Variants in LRRC63 observed in about 807,000 individuals in gnomAD.
LRRC63 encodes leucine-rich repeat-containing protein 63.
A neutral mutation model predicts 49.5 loss-of-function variants in LRRC63; 40 were observed. The ratio of observed to expected loss-of-function variants is 0.81; its 90% CI spans 0.63 to 1.05. The LOEUF (loss-of-function observed/expected upper bound fraction) is 1.05, where lower values mean the gene tolerates loss of function less well. LRRC63 is among the 50% of genes least tolerant of loss of function. The pLI, the probability that LRRC63 is intolerant of heterozygous loss-of-function variation, is 0.00. For synonymous variants in LRRC63, 191 were observed against 221.1 expected (o/e 0.86, Z 1.21); for missense variants, 636 against 663.1 (o/e 0.96, Z 0.45).
At chr13:46,267,895 T>C (rs190318225) in intron 9 of LRRC63, among the ~76,000 whole-genome samples, 24 of 152,236 alleles carry the variant, frequency 1.6e-4, no homozygotes, top group African/African-American at 5.8e-4. Flanking sequence ...GATTCCTGAA[T>C]TGCATGTGGA....
At chr13:46,221,987 G>A (rs984939137) in intron 2 of LRRC63, among the ~76,000 whole-genome samples, 1 of 152,090 alleles carries the variant, frequency 6.6e-6, no homozygotes, top group Non-Finnish European at 1.5e-5. Flanking sequence ...CACCTTCAGG[G>A]TTTCTTTTTC....
At chr13:46,264,891 T>C (rs1046648622) in intron 8 of LRRC63, among the ~76,000 whole-genome samples, 5 of 152,190 alleles carry the variant, frequency 3.3e-5, no homozygotes, top group Non-Finnish European at 2.9e-5. Context: ...GTGCAGTGGC[T>C]CACACCTGTA....
At chr13:46,217,561 C>G (rs998746474) in intron 2 of LRRC63, among the ~76,000 whole-genome samples, 1 of 152,134 alleles carries the variant, frequency 6.6e-6, no homozygotes, top group Non-Finnish European at 1.5e-5. Flanking sequence ...AAACCAGCTC[C>G]TGGATTCATT....
At chr13:46,239,064 A>G (rs1318776948) in intron 5 of LRRC63, among the ~76,000 whole-genome samples, 1 of 152,230 alleles carries the variant, frequency 6.6e-6, no homozygotes, top group Non-Finnish European at 1.5e-5. Context: ...ACCTAACATC[A>G]AAACCAAAAG....
chr13:46,269,842 CTATA>C (rs1444898843), intron 9 of LRRC63, among the ~76,000 whole-genome samples: 5 of 145,690 alleles, frequency 3.4e-5, no homozygotes, highest in African/African-American at 1.0e-4. Flanking sequence ...TACTATATAT[CTATA>C]TATCTACTAT....
At chr13:46,218,930 C>T (rs1262770631) in intron 2 of LRRC63, among the ~76,000 whole-genome samples, 1 of 152,132 alleles carries the variant, frequency 6.6e-6, no homozygotes, top group Non-Finnish European at 1.5e-5. Context: ...AATATTGGCC[C>T]CCACTCTCTT....
chr13:46,273,537 G>A (rs1475841903), intron 9 of LRRC63, among the ~76,000 whole-genome samples: 1 of 151,412 alleles, frequency 6.6e-6, no homozygotes, highest in Non-Finnish European at 1.5e-5. Context: ...AGGAGCCTGA[G>A]GTTGCAGTGA....
chr13:46,231,716 A>T (rs770572214), intron 4 of LRRC63, among the ~76,000 whole-genome samples: 28 of 151,228 alleles, frequency 1.9e-4, no homozygotes, highest in Admixed American at 1.3e-3. Flanking sequence ...CACCATGTTG[A>T]CCAGACTGGT....
intron 9 of LRRC63, 88 bp downstream of exon 9, chr13:46,267,060 A>C (rs766051948): frequency 4.7e-5 from 58 of 1,226,378 alleles, no homozygotes; most frequent in Non-Finnish European, 6.3e-5. Flanking sequence ...CAGTGTCACT[A>C]ACATGCACAC....
chr13:46,238,340 T>G (rs1400337082), intron 5 of LRRC63, among the ~76,000 whole-genome samples: 2 of 152,164 alleles, frequency 1.3e-5, no homozygotes, highest in East Asian at 3.9e-4. Flanking sequence ...ATTCTTCCCA[T>G]TTCCACATGA....
chr13:46,230,191 C>T (rs945709062), intron 4 of LRRC63, among the ~76,000 whole-genome samples: 1 of 152,150 alleles, frequency 6.6e-6, no homozygotes, highest in Non-Finnish European at 1.5e-5. Flanking sequence ...ATGTTCTTCT[C>T]GCATTGCAAA....
In LRRC63 at chr13:46,245,382, C is replaced by T. The variant is rs368250879; in HGVS notation, c.991-1145C>T. Reference sequence around the variant, plus strand: ...CCTAATTAACATTTATAGAATGATACATCCAACAACTGCAGAATAAACATT... The same window carrying T: ...CCTAATTAACATTTATAGAATGATATATCCAACAACTGCAGAATAAACATT... On this transcript the variant is annotated intron_variant, in intron 5 of 9. Coordinates refer to ENST00000595396, the Ensembl canonical transcript of LRRC63. Among the ~76,000 whole-genome samples, 187 of 152,276 alleles carry T rather than the reference C, an allele frequency of 1.2e-3. No homozygotes were observed. The South Asian group carries it at 0.017, about 14-fold the overall frequency.
intron 2 of LRRC63, among the ~76,000 whole-genome samples, chr13:46,217,929 C>G (rs2046299971): frequency 6.6e-6 from 1 of 152,164 alleles, no homozygotes; most frequent in African/African-American, 2.4e-5. Context: ...GAGTGAGTTT[C>G]TTAATCCTGA....
chr13:46,232,672 T>A (rs1204946089), intron 4 of LRRC63, among the ~76,000 whole-genome samples: 1 of 152,122 alleles, frequency 6.6e-6, no homozygotes, highest in Admixed American at 6.5e-5. Flanking sequence ...AGAGGGCGTA[T>A]TATCCAGACT....
At chr13:46,266,757 T>C in exon 9 of LRRC63, 1 of 1,547,914 alleles carries the variant, frequency 6.5e-7, no homozygotes, top group Non-Finnish European at 8.7e-7. Context: ...TGACTGTTGA[T>C]GGGAATGAAC....
At chr13:46,272,291 T>C (rs1186348674) in intron 9 of LRRC63, among the ~76,000 whole-genome samples, 1 of 152,096 alleles carries the variant, frequency 6.6e-6, no homozygotes, top group Admixed American at 6.5e-5. Context: ...ATATCTTCCA[T>C]AAATCAATAA....
intron 9 of LRRC63, among the ~76,000 whole-genome samples, chr13:46,275,642 C>T (rs2047825052): frequency 7.6e-6 from 1 of 131,220 alleles, no homozygotes; most frequent in East Asian, 2.5e-4. Flanking sequence ...ATTCTTTGAT[C>T]ATTTTAAAAT....
At chr13:46,272,506 A>G (rs1039143477) in intron 9 of LRRC63, among the ~76,000 whole-genome samples, 1 of 152,234 alleles carries the variant, frequency 6.6e-6, no homozygotes, top group East Asian at 1.9e-4. Flanking sequence ...TTGGATGCCC[A>G]AAAATATGAC....
Position 46,255,230 on chromosome 13 carries a change from A to G in LRRC63, c.1226+4739A>G, listed in dbSNP as rs140032718. On this transcript the variant is annotated intron_variant, in intron 7 of 9. Coordinates refer to ENST00000595396, the Ensembl canonical transcript of LRRC63. Reference sequence around the variant, plus strand: ...CTAGAATAGACAAATTTACAGACACAGAAAGTGGAATATAGGTTACTGGGG... The same window carrying G: ...CTAGAATAGACAAATTTACAGACACGGAAAGTGGAATATAGGTTACTGGGG... 6.0e-4 allele frequency among the ~76,000 whole-genome samples: 91 copies of G among 152,238 alleles called. No homozygotes were observed. In the Middle Eastern group the frequency reaches 0.01, roughly 17 times the overall value.
Sources: gnomAD v4.1 joint callset for allele counts (sites outside exome capture counted in the v4.1 genomes callset) on GRCh38, gnomAD v4.1.1 for gene constraint, MANE v1.5 for transcripts, NCBI Gene and HGNC (gene_info 2026-07-23, HGNC 2026-07-21) for gene names.